CCDC106: variants seen among roughly 807,000 people sequenced by gnomAD.
CCDC106 encodes coiled-coil domain containing 106, also known as coiled-coil domain-containing protein 106.
Under a neutral mutation model 24.7 loss-of-function variants are expected in CCDC106, and 17 were observed. The observed-to-expected ratio is 0.69, with a 90% CI of 0.47 to 1.03. CCDC106 has a LOEUF of 1.03. Ranked by LOEUF, CCDC106 falls within the 50% of genes least tolerant of loss-of-function variation. The pLI is 0.00. For missense variants in CCDC106, 337 were observed against 388.9 expected, an observed-to-expected ratio of 0.87 and a Z score of 1.12; for synonymous variants, 211 against 161.3, an observed-to-expected ratio of 1.31 and a Z score of -2.34.
chr19:55,650,634 A>G (rs373686612), intron 3 of CCDC106, among the ~76,000 whole-genome samples: 2 of 152,206 alleles, frequency 1.3e-5, no homozygotes, highest in East Asian at 1.9e-4. Context: ...GCTCGGGAAC[A>G]AACCACCTCT....
upstream of CCDC106, among the ~76,000 whole-genome samples, chr19:55,647,734 T>TC (rs1161742851): frequency 1.3e-5 from 2 of 152,046 alleles, no homozygotes; most frequent in Non-Finnish European, 2.9e-5. Context: ...GGCCCCCACA[T>TC]CCCTGAGAAC....
rs529274073 is a variant in CCDC106, at chr19:55,649,369, G to A, written c.137-39G>A. 2.0e-5 allele frequency: 32 copies of A among 1,613,660 alleles called. No homozygotes were observed. In the South Asian group the frequency reaches 2.6e-4, roughly 13 times the overall value. The stretch of plus-strand genomic sequence containing the variant: ...CTGGGAAGCCAAGCCCTGAGTCCCA[G>A]GGTGTGACCTGGTCCCCCCACCCTC... On this transcript the variant is annotated intron_variant, in intron 2 of 4. Coordinates refer to ENST00000586790, the MANE Select transcript of CCDC106 (RefSeq NM_001370470.1).
intron 3 of CCDC106, 163 bp downstream of exon 3, chr19:55,649,747 C>T (rs1983117654): frequency 1.6e-6 from 1 of 638,020 alleles, no homozygotes; most frequent in South Asian, 1.9e-5. Context: ...CCAGCTGCCT[C>T]CTCACTTGAT....
rs201897477 is a variant in CCDC106, at chr19:55,649,294, C to T, written c.121C>T (p.Arg41Trp). ...GATCTTTTACAGTCTGAGCCCCTCTCGGAGAAACTTCGAGGGTGAGCTGAG... is the reference window on the plus strand; with the variant it reads ...GATCTTTTACAGTCTGAGCCCCTCTTGGAGAAACTTCGAGGGTGAGCTGAG... ...PQIFYSLSPS[R>W]RNFEEPPEAA... Residue 41 changes from arginine to tryptophan, a missense_variant, in exon 2 of 5, where the codon CGG (arginine) becomes TGG (tryptophan). Arg to Trp is a moderately radical substitution (Grantham distance 101, BLOSUM62 -3). This residue lies in a region of CCDC106 where 234 missense variants were observed against 236.5 expected (regional missense o/e 0.99). Transcript: ENST00000586790. 7 of 1,614,022 alleles carry T rather than the reference C, an allele frequency of 4.3e-6. No homozygotes were observed. Among genetic ancestry groups the T allele is most frequent in the Non-Finnish European group, 5.9e-6 (7 of 1,179,926 alleles).
At position 55,652,671 on chromosome 19, in the gene CCDC106, CG is replaced by C; in HGVS notation, c.769del (p.Glu257ArgfsTer144). On this transcript the variant is annotated frameshift_variant, in exon 5 of 5. Transcript: ENST00000586790. LOFTEE classifies it high-confidence loss of function. The surrounding 1 kb of genome is among the most constrained non-coding windows in gnomAD (Gnocchi z 5.9). ...SRRCFLALDDETLKKVQALKK... is the reference protein window; with the variant it reads ...SRRCFLALDDXTLKKVQALKK... ...GCCGCTGCTTTCTGGCCCTGGACGA[CG>C]AGACGCTCAAGAAGGTGCAGGCGCT... The C allele has an allele frequency of 6.2e-7, 1 of 1,613,202 alleles. No individual in the cohort carries two copies. The highest frequency in any genetic ancestry group is 8.5e-7 in the Non-Finnish European group (1 of 1,179,918).
Position 55,649,470 on chromosome 19 carries a change from A to G in CCDC106, c.199A>G (p.Met67Val), listed in dbSNP as rs1729341618. The change falls in exon 3 of 5, where the codon ATG becomes GTG. Residue 67 changes from methionine to valine, a missense_variant. Physicochemically the swap from Met to Val is conservative, Grantham distance 21 (BLOSUM62 1). Coordinates refer to ENST00000586790, the MANE Select transcript of CCDC106 (RefSeq NM_001370470.1). ...LMNSVKTQLHMALERNSWLQK... is the reference protein window; with the variant it reads ...LMNSVKTQLHVALERNSWLQK... ...GAACAGCGTCAAGACCCAGCTGCAC[A>G]TGGCTCTGGAGAGGAACTCCTGGCT... 7 of 1,613,964 alleles carry G rather than the reference A, an allele frequency of 4.3e-6. No individual in the cohort carries two copies. The highest frequency in any genetic ancestry group is 5.9e-6 in the Non-Finnish European group (7 of 1,179,974).
chr19:55,650,397 T>A, intron 3 of CCDC106, among the ~76,000 whole-genome samples: 1 of 152,186 alleles, frequency 6.6e-6, no homozygotes, highest in East Asian at 1.9e-4. Context: ...CTTCCCCGGA[T>A]GGTCAGGCCG....
intron 3 of CCDC106, 129 bp from the exon 4 acceptor site, chr19:55,651,154 C>T (rs888728563): frequency 1.4e-6 from 1 of 733,978 alleles, no homozygotes; most frequent in Non-Finnish European, 2.4e-6. Flanking sequence ...TACTCCTTGT[C>T]TCTCTGTCTC....
upstream of CCDC106, among the ~76,000 whole-genome samples, chr19:55,647,621 A>G (rs758779959): frequency 6.6e-6 from 1 of 152,194 alleles, no homozygotes; most frequent in Non-Finnish European, 1.5e-5. Flanking sequence ...CAGGACTGGA[A>G]TCTAGCTTTG....
In CCDC106 at chr19:55,649,369, G is replaced by T. The variant is rs529274073; in HGVS notation, c.137-39G>T. On this transcript the variant is annotated intron_variant, in intron 2 of 4. Transcript: ENST00000586790. ...CTGGGAAGCCAAGCCCTGAGTCCCA[G>T]GGTGTGACCTGGTCCCCCCACCCTC... 2.5e-6 allele frequency: 4 copies of T among 1,613,660 alleles called. No individual in the cohort carries two copies. In the East Asian group the frequency reaches 8.9e-5, roughly 36 times the overall value.
intron 4 of CCDC106, among the ~76,000 whole-genome samples, chr19:55,651,759 C>T (rs183760609): frequency 7.3e-4 from 111 of 152,042 alleles, no homozygotes; most frequent in African/African-American, 2.2e-3. Flanking sequence ...CCTCCCGGGT[C>T]CACGCCATTC....
Position 55,652,764 on chromosome 19 carries a change from G to A in CCDC106, c.*18G>A, listed in dbSNP as rs753740094. The A allele has an allele frequency of 6.3e-7, 1 of 1,589,092 alleles. No homozygotes were observed. Among genetic ancestry groups the A allele is most frequent in the Non-Finnish European group, 8.6e-7 (1 of 1,165,818 alleles). ...AGCGGTGATCGCACCACGCCTCCGC[G>A]CCTCCACCCGGGCCTTCCTCCCCCG... On this transcript the variant is annotated 3_prime_UTR_variant, in exon 5 of 5. Coordinates refer to ENST00000586790, the MANE Select transcript of CCDC106 (RefSeq NM_001370470.1). The surrounding 1 kb of genome is among the most constrained non-coding windows in gnomAD (Gnocchi z 5.9).
At chr19:55,649,705 G>T in intron 3 of CCDC106, 121 bp downstream of exon 3, 1 of 905,892 alleles carries the variant, frequency 1.1e-6, no homozygotes. Context: ...GGCCCTATCT[G>T]CTAGTCCCCT....
chr19:55,651,546 C>T (rs1983278806), intron 4 of CCDC106, 51 bp downstream of exon 4: 5 of 1,259,002 alleles, frequency 4.0e-6, no homozygotes, highest in Non-Finnish European at 5.5e-6. Flanking sequence ...TGCTGAATTG[C>T]TGTGTGTCCT....
rs1265885784 is a variant in CCDC106, at chr19:55,652,413, C to T, written c.527-17C>T. ...TGCCCTGCCCCTCACTTTCGTGTCC[C>T]CGCCTCCACCCCTCAGTGAAGGACG... On this transcript the variant is annotated splice_polypyrimidine_tract_variant and intron_variant, in intron 4 of 4. Transcript: ENST00000586790. This position sits in a 1 kb window ranked among gnomAD's most constrained non-coding sequence, Gnocchi z 5.9. The T allele has an allele frequency of 1.0e-5, 16 of 1,576,740 alleles. No homozygotes were observed. Among genetic ancestry groups the T allele is most frequent in the Non-Finnish European group, 1.4e-5 (16 of 1,157,254 alleles).
At chr19:55,651,694 C>T (rs967344069) in intron 4 of CCDC106, among the ~76,000 whole-genome samples, 199 bp downstream of exon 4, 22 of 151,592 alleles carry the variant, frequency 1.5e-4, no homozygotes, top group African/African-American at 3.1e-4. Context: ...CGTCTTGCCC[C>T]GTCGCCCAGG....
At chr19:55,649,661 A>T (rs530133325) in intron 3 of CCDC106, 77 bp downstream of exon 3, 2 of 1,417,530 alleles carry the variant, frequency 1.4e-6, no homozygotes, top group Non-Finnish European at 1.9e-6. Flanking sequence ...TCAAGGCTCC[A>T]CTGTTTGGCT....
In CCDC106 at chr19:55,652,455, C is replaced by T. The variant is rs1253613926; in HGVS notation, c.552C>T (p.Cys184=). The T allele has an allele frequency of 5.6e-6, 9 of 1,605,804 alleles. No individual in the cohort carries two copies. Among genetic ancestry groups the T allele is most frequent in the Non-Finnish European group, 7.7e-6 (9 of 1,174,302 alleles). The change falls in exon 5 of 5, where the codon TGC becomes TGT. Residue 184 remains cysteine (C), a synonymous_variant. Coordinates refer to ENST00000586790, the MANE Select transcript of CCDC106 (RefSeq NM_001370470.1). The surrounding 1 kb of genome is among the most constrained non-coding windows in gnomAD (Gnocchi z 5.9). The stretch of plus-strand genomic sequence containing the variant: ...TGAAGGACGCCGACGGGGTCCTCTG[C>T]CGGTACAAGAAGATCCTGGGCACCT... ...QRVKDADGVL[C]RYKKILGTFQ... is the part of the protein sequence containing the mutation.
At position 55,652,422 on chromosome 19, in the gene CCDC106, C is replaced by G; in HGVS notation, c.527-8C>G. The stretch of plus-strand genomic sequence containing the variant: ...CCTCACTTTCGTGTCCCCGCCTCCA[C>G]CCCTCAGTGAAGGACGCCGACGGGG... On this transcript the variant is annotated splice_polypyrimidine_tract_variant and splice_region_variant and intron_variant, in intron 4 of 4. Transcript: ENST00000586790. This position sits in a 1 kb window ranked among gnomAD's most constrained non-coding sequence, Gnocchi z 5.9. The G allele has an allele frequency of 6.3e-7, 1 of 1,586,826 alleles. No individual in the cohort carries two copies. Among genetic ancestry groups the G allele is most frequent in the Non-Finnish European group, 8.6e-7 (1 of 1,162,410 alleles).
Sources: allele counts gnomAD v4.1 joint callset (sites outside exome capture counted in the v4.1 genomes callset), GRCh38; gene constraint gnomAD v4.1.1; regional missense constraint gnomAD v4.1.1; non-coding constraint Gnocchi (gnomAD v3.1); transcripts MANE v1.5; gene names NCBI Gene and HGNC (gene_info 2026-07-23, HGNC 2026-07-21).